PUS3: variants seen among roughly 807,000 people sequenced by gnomAD.
The protein encoded by PUS3 is pseudouridine synthase 3.
Under a neutral mutation model 43.3 loss-of-function variants are expected in PUS3, and 36 were observed. The ratio of observed to expected loss-of-function variants is 0.83; its 90% CI spans 0.64 to 1.10. The LOEUF is 1.10. Ranked by LOEUF, PUS3 falls within the 50% of genes least tolerant of loss-of-function variation. PUS3 has a pLI of 0.00. For missense variants in PUS3, 544 were observed against 589.9 expected, an observed-to-expected ratio of 0.92 and a Z score of 0.81; for synonymous variants, 183 against 199.2, an observed-to-expected ratio of 0.92 and a Z score of 0.69.
intron 1 of PUS3, chr11:125,899,747 G>T: frequency 2.5e-6 from 4 of 1,614,212 alleles, no homozygotes; most frequent in Non-Finnish European, 2.5e-6. Flanking sequence ...AAATGATCAG[G>T]ATCTCTGGGA....
chr11:125,895,020 C>T (rs1355150030), intron 3 of PUS3, among the ~76,000 whole-genome samples: 1 of 151,352 alleles, frequency 6.6e-6, no homozygotes, highest in Non-Finnish European at 1.5e-5. Context: ...GTTATTTAGA[C>T]AGTTACGGTG....
At chr11:125,899,305 A>G (rs992975642) in intron 1 of PUS3, 41 of 1,461,806 alleles carry the variant, frequency 2.8e-5, no homozygotes, top group Non-Finnish European at 3.8e-5. Context: ...TGAGCTGGGA[A>G]TTTATTATCA....
chr11:125,898,592 G>T (rs79711545), intron 1 of PUS3, among the ~76,000 whole-genome samples: 2 of 151,914 alleles, frequency 1.3e-5, no homozygotes, highest in African/African-American at 4.8e-5. Flanking sequence ...CAGGATAATC[G>T]CTTGAACCCA....
At chr11:125,899,541 C>T (rs1327346118) in intron 1 of PUS3, 1 of 1,614,122 alleles carries the variant, frequency 6.2e-7, no homozygotes, top group Non-Finnish European at 8.5e-7. Context: ...TCAGTAGCCC[C>T]AGGGAAGCGA....
intron 1 of PUS3, chr11:125,899,117 C>G (rs2134256060): frequency 2.0e-6 from 1 of 502,450 alleles, no homozygotes; most frequent in South Asian, 2.6e-5. Context: ...CTGAAGGTGG[C>G]AAGACAGTAG....
At chr11:125,902,019 C>T (rs1242006794) in intron 1 of PUS3, among the ~76,000 whole-genome samples, 2 of 152,092 alleles carry the variant, frequency 1.3e-5, no homozygotes, top group Non-Finnish European at 2.9e-5. Flanking sequence ...ATCTCAAAGT[C>T]CAACATTACC....
rs375722027 is a variant in PUS3 at position 125,895,742 on chromosome 11, G to A, written c.426C>T (p.Ser142=). 47 of 1,610,528 alleles carry A rather than the reference G, an allele frequency of 2.9e-5. No individual in the cohort carries two copies. The highest frequency in any genetic ancestry group is 4.5e-5 in the East Asian group (2 of 44,884). ...CCTCCTCTTTTACATTAAAGTCCTC[G>A]GAATCCCTGCCCCTTGGAAACTGAG... ...LRSQFPRGRD[S]EDFNVKEEAN... Residue 142 remains serine, a synonymous_variant, in exon 3 of 4, where the codon TCC becomes TCT. Transcript: ENST00000227474.
At position 125,896,325 on chromosome 11, in the gene PUS3, C is replaced by A. The variant is rs752289202; in HGVS notation, c.-41G>T. The A allele has an allele frequency of 6.5e-7, 1 of 1,532,374 alleles. No individual in the cohort carries two copies. Among genetic ancestry groups the A allele is most frequent in the Admixed American group, 1.9e-5 (1 of 54,050 alleles). 94.9% of individuals were successfully genotyped at this position (1,532,374 alleles called of 1,614,324 possible). ...GGAATAAACGAACCATACAGGTCTG[C>A]CCTGTCTGAAAAGAGAGCAAAGGGA... On this transcript the variant is annotated 5_prime_UTR_variant, in exon 2 of 4. Transcript: ENST00000227474.
chr11:125,899,297 A>C, intron 1 of PUS3: 1 of 1,383,422 alleles, frequency 7.2e-7, no homozygotes, highest in Non-Finnish European at 1.0e-6. Flanking sequence ...GCAATTTATG[A>C]GCTGGGAATT....
chr11:125,902,412 G>C (rs1944802098), intron 1 of PUS3, among the ~76,000 whole-genome samples: 1 of 151,942 alleles, frequency 6.6e-6, no homozygotes, highest in Admixed American at 6.5e-5. Context: ...TCAGGAGTTC[G>C]AGACCAACCT....
chr11:125,901,224 C>T (rs1944765791), intron 1 of PUS3, among the ~76,000 whole-genome samples: 1 of 152,160 alleles, frequency 6.6e-6, no homozygotes, highest in Non-Finnish European at 1.5e-5. Context: ...AATATTTTGC[C>T]TGCCAGCTGT....
In PUS3 at chr11:125,900,223, T is replaced by C. The variant is rs1376749637; in HGVS notation, c.-47+2947A>G. 1.9e-6 allele frequency: 3 copies of C among 1,614,186 alleles called. No homozygotes were observed. In the East Asian group the frequency reaches 6.7e-5, roughly 36 times the overall value. On this transcript the variant is annotated intron_variant, in intron 1 of 3. Transcript: ENST00000227474. ...GGGGTGTTCGTTGTGACCTTGCAAA[T>C]GGTGTCATACCCAGGAAGCTTCCCT...
In PUS3 at chr11:125,894,041, T is replaced by G; in HGVS notation, c.1190A>C (p.Lys397Thr). Residue 397 changes from lysine (K) to threonine (T), a missense_variant, in exon 4 of 4, where the codon AAG (lysine) becomes ACG (threonine). Transcript: ENST00000227474. ...EWGNVKPSVI[K>T]QTSAFVEGVK... The stretch of plus-strand genomic sequence containing the variant: ...TCCTTCTACAAAGGCACTGGTCTGC[T>G]TTATGACAGAGGGCTTAACATTTCC... The G allele has an allele frequency of 1.2e-6, 2 of 1,614,220 alleles. No homozygotes were observed. Among genetic ancestry groups the G allele is most frequent in the Non-Finnish European group, 1.7e-6 (2 of 1,180,032 alleles).
Position 125,893,614 on chromosome 11 carries a change from TTTC to T in PUS3, c.*168_*170del. ...GACCGGGATAAGAGAATATTTGAAATTTCTTATTAAAGCAATAACTTCCTTAAT... is the reference window on the plus strand; with the variant it reads ...GACCGGGATAAGAGAATATTTGAAATTTATTAAAGCAATAACTTCCTTAAT... On this transcript the variant is annotated 3_prime_UTR_variant, in exon 4 of 4. Transcript: ENST00000227474. 1 of 541,538 alleles carries T rather than the reference TTTC, an allele frequency of 1.8e-6. No individual in the cohort carries two copies. Among genetic ancestry groups the T allele is most frequent in the South Asian group, 3.5e-5 (1 of 28,446 alleles). 33.5% of individuals were successfully genotyped at this position (541,538 alleles called of 1,614,324 possible). A position where few individuals can be genotyped will look rare whatever the true frequency, so the allele number is the denominator to read the frequency against.
At chr11:125,903,113 T>C (rs984649140) in intron 1 of PUS3, 57 bp downstream of exon 1, 2 of 848,150 alleles carry the variant, frequency 2.4e-6, no homozygotes, top group Admixed American at 6.2e-5. Context: ...GTGTGTCCAT[T>C]TGTCCCTTCC....
intron 3 of PUS3, 93 bp from the exon 4 acceptor site, chr11:125,894,379 G>GATC: frequency 1.0e-6 from 1 of 993,410 alleles, no homozygotes; most frequent in South Asian, 1.6e-5. Context: ...AGGGAGCCGG[G>GATC]TAGGGCGCCA....
chr11:125,900,662 T>C, intron 1 of PUS3: 1 of 260,852 alleles, frequency 3.8e-6, no homozygotes, highest in African/African-American at 2.3e-5. Flanking sequence ...TTGAACATTA[T>C]TTCATGAAAT....
At chr11:125,901,059 C>T (rs1372898354) in intron 1 of PUS3, among the ~76,000 whole-genome samples, 1 of 151,132 alleles carries the variant, frequency 6.6e-6, no homozygotes. Flanking sequence ...TTACATAGTC[C>T]TAAAGGATGG....
chr11:125,893,697 C>A lies in PUS3; in HGVS notation c.*88G>T. 9.6e-7 allele frequency: 1 copy of A among 1,042,186 alleles called. No individual in the cohort carries two copies. Among genetic ancestry groups the A allele is most frequent in the Non-Finnish European group, 1.3e-6 (1 of 745,760 alleles). 64.6% of individuals were successfully genotyped at this position (1,042,186 alleles called of 1,614,324 possible). On this transcript the variant is annotated 3_prime_UTR_variant, in exon 4 of 4. Transcript: ENST00000227474. ...CTTTTAAGAGCTGATCATCTGAATT[C>A]CTAGTACTTGCAAGTAAATTTTTTT...
Sources: allele counts gnomAD v4.1 joint callset (sites outside exome capture counted in the v4.1 genomes callset), GRCh38; gene constraint gnomAD v4.1.1; transcripts MANE v1.5; gene names NCBI Gene and HGNC (gene_info 2026-07-23, HGNC 2026-07-21).